The following NUFIP1 variants were observed in gnomAD, a reference collection of about 807,000 sequenced individuals.
NUFIP1 encodes nuclear FMR1 interacting protein 1.
A neutral mutation model predicts 56.2 loss-of-function variants in NUFIP1; 38 were observed. The observed-to-expected ratio is 0.68, with a 90% CI of 0.52 to 0.89. NUFIP1 has a LOEUF of 0.89. Among genes scored for constraint, NUFIP1 ranks in the 40% least tolerant of loss-of-function variants. NUFIP1 has a pLI of 0.00. For missense variants in NUFIP1, 567 were observed against 605.8 expected, an observed-to-expected ratio of 0.94 and a Z score of 0.67; for synonymous variants, 215 against 212.4, an observed-to-expected ratio of 1.01 and a Z score of -0.10.
chr13:44,984,700 C>A (rs1271927280), intron 1 of NUFIP1, among the ~76,000 whole-genome samples: 2 of 151,842 alleles, frequency 1.3e-5, no homozygotes, highest in Non-Finnish European at 2.9e-5. Flanking sequence ...CAGTTTAATG[C>A]AGAATTGAAT....
At chr13:44,968,088 AT>A (rs1358135123) in intron 5 of NUFIP1, among the ~76,000 whole-genome samples, 4 of 152,198 alleles carry the variant, frequency 2.6e-5, no homozygotes, top group African/African-American at 9.7e-5. Context: ...CAGAAAAAAA[AT>A]GTAATGAATT....
intron 1 of NUFIP1, among the ~76,000 whole-genome samples, chr13:44,986,201 T>C (rs1008640948): frequency 2.0e-5 from 3 of 152,216 alleles, no homozygotes; most frequent in African/African-American, 7.2e-5. Context: ...ATTAAAAACC[T>C]TCTAGAAAGG....
intron 1 of NUFIP1, among the ~76,000 whole-genome samples, chr13:44,988,310 C>T (rs1266061269): frequency 6.6e-6 from 1 of 152,174 alleles, no homozygotes; most frequent in Admixed American, 6.5e-5. Context: ...GTCCCAGCTA[C>T]TCAGGAGTTT....
At chr13:44,957,245 C>T (rs1277624521) in intron 7 of NUFIP1, among the ~76,000 whole-genome samples, 1 of 152,020 alleles carries the variant, frequency 6.6e-6, no homozygotes, top group Non-Finnish European at 1.5e-5. Context: ...GAGTTTTGCT[C>T]TTGTTGCCCA....
At position 44,954,934 on chromosome 13, in the gene NUFIP1, C is replaced by CA. The variant is rs1176180520; in HGVS notation, c.1021+4446dup. ...TTCTACGACAATAGCTGTATTTCAA[C>CA]AAATGACTAATAAGTTGGGTTGCCT... On this transcript the variant is annotated intron_variant, in intron 7 of 9. Coordinates refer to ENST00000379161, the MANE Select transcript of NUFIP1 (RefSeq NM_012345.3). 2.6e-5 allele frequency among the ~76,000 whole-genome samples: 4 copies of CA among 152,306 alleles called. No homozygotes were observed. The South Asian group carries it at 6.2e-4, about 24-fold the overall frequency.
intron 8 of NUFIP1, among the ~76,000 whole-genome samples, chr13:44,944,426 A>G (rs1275662940): frequency 1.3e-5 from 2 of 152,166 alleles, no homozygotes; most frequent in African/African-American, 4.8e-5. Context: ...ACACCTAAGA[A>G]CAGATTTTCA....
chr13:44,960,078 C>T (rs1298910753), intron 6 of NUFIP1, among the ~76,000 whole-genome samples: 3 of 151,448 alleles, frequency 2.0e-5, no homozygotes, highest in African/African-American at 4.9e-5. Flanking sequence ...ATTACAGGCA[C>T]GTGCCACCAC....
Position 44,943,620 on chromosome 13 carries a change from C to T in NUFIP1, c.1193G>A (p.Ser398Asn). 6.2e-7 allele frequency: 1 copy of T among 1,614,024 alleles called. No individual in the cohort carries two copies. Among genetic ancestry groups the T allele is most frequent in the Non-Finnish European group, 8.5e-7 (1 of 1,179,990 alleles). The change falls in exon 9 of 10, where the codon AGC becomes AAC. Residue 398 changes from serine to asparagine, a missense_variant. Ser to Asn is a conservative substitution (Grantham distance 46). Transcript: ENST00000379161. Reference protein sequence around the residue: ...DVLAENQVLDSSAPKSPSQDV... With the variant: ...DVLAENQVLDNSAPKSPSQDV... ...TTGACTTGGACTCTTAGGAGCACTG[C>T]TATCAAGAACCTGGTTTTCTGCCAA...
At chr13:44,979,312 C>A (rs1205383705) in intron 4 of NUFIP1, 46 bp from the exon 5 acceptor site, 6 of 1,483,460 alleles carry the variant, frequency 4.0e-6, no homozygotes, top group Non-Finnish European at 5.6e-6. Context: ...ATATCATATG[C>A]TTTTGACTAA....
rs1871353157 is a variant in NUFIP1 at position 44,959,568 on chromosome 13, C to T, written c.834G>A (p.Met278Ile). The T allele has an allele frequency of 6.2e-7, 1 of 1,604,008 alleles. No homozygotes were observed. The highest frequency in any genetic ancestry group is 8.5e-7 in the Non-Finnish European group (1 of 1,176,812). Residue 278 changes from methionine (M) to isoleucine (I), a missense_variant, in exon 7 of 10, where the codon ATG (methionine) becomes ATA (isoleucine). Coordinates refer to ENST00000379161, the MANE Select transcript of NUFIP1 (RefSeq NM_012345.3). ...AVLTTTQYGK[M>I]KGMSRHSQMA... is the part of the protein sequence containing the mutation. ...TTTGTGAATGTCTGGACATCCCCTT[C>T]ATCTTGCTGGAGTAAGAAAATTGCA...
intron 7 of NUFIP1, among the ~76,000 whole-genome samples, chr13:44,955,943 A>G (rs1011313012): frequency 6.6e-6 from 1 of 151,772 alleles, no homozygotes; most frequent in Admixed American, 6.6e-5. Flanking sequence ...GGAGATCGAG[A>G]CCATCCTGGC....
At chr13:44,942,967 TAAA>T (rs397959012) in intron 9 of NUFIP1, among the ~76,000 whole-genome samples, 2 of 105,120 alleles carry the variant, frequency 1.9e-5, no homozygotes. Flanking sequence ...CCTCAACTCT[TAAA>T]AAAAAAAAAA....
intron 1 of NUFIP1, among the ~76,000 whole-genome samples, chr13:44,988,087 C>A (rs1168748245): frequency 1.3e-5 from 2 of 152,228 alleles, no homozygotes; most frequent in Non-Finnish European, 1.5e-5. Context: ...AGTCTTCGCT[C>A]ATATGTCACC....
At chr13:44,988,957 G>T in intron 1 of NUFIP1, 68 bp downstream of exon 1, 1 of 1,509,552 alleles carries the variant, frequency 6.6e-7, no homozygotes, top group South Asian at 1.2e-5. Context: ...AGAGGAAGCA[G>T]AGAAAGGGGA....
rs2137886969 is a variant in NUFIP1 at position 44,940,045 on chromosome 13, CT to C, written c.*1160del. On this transcript the variant is annotated 3_prime_UTR_variant, in exon 10 of 10. Transcript: ENST00000379161. ...TGAGTTCCTTGAAGTCAGACATGGCCTTATTTATTTGTATACCTTTAATATA... is the reference window on the plus strand; with the variant it reads ...TGAGTTCCTTGAAGTCAGACATGGCCTATTTATTTGTATACCTTTAATATA... 6.6e-6 allele frequency: 1 copy of C among 152,168 alleles called. No individual in the cohort carries two copies. Among genetic ancestry groups the C allele is most frequent in the East Asian group, 1.9e-4 (1 of 5,186 alleles). The allele number at this position is 152,168 out of a possible 1,614,324, so 9.4% of individuals were successfully genotyped here. A position where few individuals can be genotyped will look rare whatever the true frequency, so the allele number is the denominator to read the frequency against.
rs577885874 is a variant in NUFIP1, at chr13:44,946,199, A to C, written c.1139-2525T>G. Reference sequence around the variant, plus strand: ...TTATAATTGTCAATTTTCTGCTAAGAAATGAGGACGGGACTAACATTTATA... The same window carrying C: ...TTATAATTGTCAATTTTCTGCTAAGCAATGAGGACGGGACTAACATTTATA... On this transcript the variant is annotated intron_variant, in intron 8 of 9. Coordinates refer to ENST00000379161, the MANE Select transcript of NUFIP1 (RefSeq NM_012345.3). Among the ~76,000 whole-genome samples the C allele has an allele frequency of 5.6e-4, 85 of 152,296 alleles. No individual in the cohort carries two copies. The South Asian group carries it at 0.018, about 32-fold the overall frequency.
At chr13:44,966,282 T>C (rs929912724) in intron 5 of NUFIP1, among the ~76,000 whole-genome samples, 2 of 152,132 alleles carry the variant, frequency 1.3e-5, no homozygotes, top group Non-Finnish European at 2.9e-5. Context: ...GTCTATTCAA[T>C]TTATTCTAGT....
intron 1 of NUFIP1, among the ~76,000 whole-genome samples, chr13:44,984,387 TC>T (rs1872308807): frequency 2.0e-5 from 3 of 152,188 alleles, no homozygotes; most frequent in Admixed American, 2.0e-4. Context: ...ATTCCTGTAT[TC>T]CCAGTGCTTT....
chr13:44,966,006 T>C (rs1871587874), intron 5 of NUFIP1, 70 bp from the exon 6 acceptor site: 1 of 851,612 alleles, frequency 1.2e-6, no homozygotes, highest in South Asian at 2.5e-5. Context: ...ATCAAGCAAT[T>C]GCTGAATTTA....
Sources: allele counts gnomAD v4.1 joint callset (sites outside exome capture counted in the v4.1 genomes callset), GRCh38; gene constraint gnomAD v4.1.1; transcripts MANE v1.5; gene names NCBI Gene and HGNC (gene_info 2026-07-23, HGNC 2026-07-21).